CELA3A: variants seen among roughly 807,000 people sequenced by gnomAD.
The protein encoded by CELA3A is chymotrypsin-like elastase family member 3A.
CELA3A carries 35 observed loss-of-function variants against 38.6 expected under a neutral mutation model. The ratio of observed to expected loss-of-function variants is 0.91; its 90% CI spans 0.69 to 1.20. CELA3A has a LOEUF of 1.20. Among genes scored for constraint, CELA3A ranks in the 50% most tolerant of loss-of-function variants. CELA3A has a pLI of 0.00. For synonymous variants in CELA3A, 143 were observed against 136.7 expected (o/e 1.05, Z -0.32); for missense variants, 343 against 354.2 (o/e 0.97, Z 0.25).
At chr1:22,010,473 C>G (rs1261366629) in intron 7 of CELA3A, among the ~76,000 whole-genome samples, 2 of 150,662 alleles carry the variant, frequency 1.3e-5, no homozygotes, top group Non-Finnish European at 3.0e-5. Context: ...AAAAATTAGC[C>G]GGGCATGGTG....
chr1:22,008,020 G>A (rs1280130087), intron 6 of CELA3A, among the ~76,000 whole-genome samples: 1 of 150,860 alleles, frequency 6.6e-6, no homozygotes, highest in African/African-American at 2.5e-5. Flanking sequence ...CAGGCATGGT[G>A]GCACTCGCCT....
Position 22,006,920 on chromosome 1 carries a change from G to A in CELA3A, c.405G>A (p.Leu135=), listed in dbSNP as rs779444587. The A allele has an allele frequency of 5.0e-6, 8 of 1,612,378 alleles. No individual in the cohort carries two copies. In the Admixed American group the frequency reaches 1.3e-4, roughly 27 times the overall value. Residue 135 remains leucine, a synonymous_variant, in exon 5 of 8, where the codon CTG becomes CTA. Coordinates refer to ENST00000290122, the MANE Select transcript of CELA3A (RefSeq NM_005747.5). The part of the protein sequence containing the change: ...ALIKLSRSAQ[L]GDAVQLASLP... ...TCAAGCTCTCACGCAGCGCCCAGCT[G>A]GGAGATGCCGTCCAGCTCGCCTCAC...
chr1:22,011,921 C>T (rs1272990143), intron 7 of CELA3A, among the ~76,000 whole-genome samples: 3 of 125,410 alleles, frequency 2.4e-5, no homozygotes, highest in East Asian at 2.6e-4. Context: ...GGCATGGTGG[C>T]GTACGCCTGT....
Position 22,003,060 on chromosome 1 carries a change from A to G in CELA3A, c.101A>G (p.Asp34Gly). 5 of 1,574,724 alleles carry G rather than the reference A, an allele frequency of 3.2e-6. No homozygotes were observed. The highest frequency in any genetic ancestry group is 4.3e-6 in the Non-Finnish European group (5 of 1,167,652). ...HSSSRVVHGE[D>G]AVPYSWPWQV... ...TCCAGCCGCGTTGTCCATGGTGAGG[A>G]TGCGGTCCCCTACAGCTGGCCCTGG... is the stretch of plus-strand genomic sequence containing the variant. Residue 34 changes from aspartate (D) to glycine (G), a missense_variant, in exon 2 of 8, where the codon GAT becomes GGT. Asp to Gly is a moderately conservative substitution (Grantham distance 94). Transcript: ENST00000290122.
At chr1:22,003,853 C>T (rs752968917) in intron 2 of CELA3A, among the ~76,000 whole-genome samples, 3 of 150,176 alleles carry the variant, frequency 2.0e-5, no homozygotes, top group Non-Finnish European at 3.0e-5. Context: ...TACAGGCACG[C>T]GCCACCAAGC....
chr1:22,010,771 T>A (rs1644979136), intron 7 of CELA3A: 1 of 149,640 alleles, frequency 6.7e-6, no homozygotes, highest in Non-Finnish European at 1.5e-5. Context: ...GCACCAAGTT[T>A]GGCATCAATG....
intron 7 of CELA3A, chr1:22,010,509 T>C (rs189452769): frequency 0.029 from 6,300 of 220,980 alleles, 350 homozygotes; most frequent in African/African-American, 0.12. Context: ...CCCAGCTGCT[T>C]GGGAGGCTCA....
At position 22,003,043 on chromosome 1, in the gene CELA3A, C is replaced by G; in HGVS notation, c.84C>G (p.Arg28=). The part of the protein sequence containing the change: ...YGPPSSHSSS[R]VVHGEDAVPY... ...CACCTTCCTCTCACTCTTCCAGCCG[C>G]GTTGTCCATGGTGAGGATGCGGTCC... is the stretch of plus-strand genomic sequence containing the variant. Residue 28 remains arginine (R), a synonymous_variant, in exon 2 of 8, where the codon CGC becomes CGG. Coordinates refer to ENST00000290122, the MANE Select transcript of CELA3A (RefSeq NM_005747.5). 6.4e-7 allele frequency: 1 copy of G among 1,571,970 alleles called. No homozygotes were observed. Among genetic ancestry groups the G allele is most frequent in the Non-Finnish European group, 8.6e-7 (1 of 1,167,396 alleles).
chr1:22,005,106 A>G (rs1288096183), intron 2 of CELA3A, among the ~76,000 whole-genome samples: 1 of 150,868 alleles, frequency 6.6e-6, no homozygotes, highest in African/African-American at 2.5e-5. Flanking sequence ...ATCTCAAAAA[A>G]AAAAAAAACT....
intron 4 of CELA3A, chr1:22,006,195 C>T (rs1466909145): frequency 4.5e-6 from 1 of 221,286 alleles, no homozygotes; most frequent in African/African-American, 2.2e-5. Flanking sequence ...AGGAGGAGCA[C>T]TGGGCTGAGA....
intron 6 of CELA3A, among the ~76,000 whole-genome samples, 175 bp downstream of exon 6, chr1:22,007,690 C>A (rs1371269568): frequency 6.6e-6 from 1 of 151,048 alleles, no homozygotes; most frequent in Non-Finnish European, 1.5e-5. Context: ...GCCTGGGAGT[C>A]AGGACCCCCG....
At chr1:22,002,504 T>A (rs1426626637) in intron 1 of CELA3A, 1 of 454,720 alleles carries the variant, frequency 2.2e-6, no homozygotes, top group East Asian at 7.0e-5. Context: ...GGCTACTTTA[T>A]TTTATTGTAC....
intron 2 of CELA3A, among the ~76,000 whole-genome samples, chr1:22,004,046 G>C (rs4556328): frequency 0.14 from 21,241 of 146,780 alleles, 3,930 homozygotes; most frequent in African/African-American, 0.41. Context: ...CATTTCCTCA[G>C]TGCTTTTTTC....
chr1:22,001,813 C>T, intron 1 of CELA3A, 96 bp downstream of exon 1: 1 of 1,533,468 alleles, frequency 6.5e-7, no homozygotes, highest in East Asian at 2.3e-5. Flanking sequence ...CATGCTATGC[C>T]TGGTTCCACA....
chr1:22,005,128 G>A (rs1409418042), intron 2 of CELA3A, among the ~76,000 whole-genome samples: 2 of 151,080 alleles, frequency 1.3e-5, no homozygotes, highest in South Asian at 2.1e-4. Context: ...ACAGGGCGAG[G>A]GGTGCGTGAT....
At chr1:22,012,351 G>A in intron 7 of CELA3A, 99 bp from the exon 8 acceptor site, 1 of 1,365,852 alleles carries the variant, frequency 7.3e-7, no homozygotes, top group Non-Finnish European at 9.9e-7. Flanking sequence ...CCCTCTCCCA[G>A]GGTCACACAG....
At position 22,001,861 on chromosome 1, in the gene CELA3A, A is replaced by C. The variant is rs550908204; in HGVS notation, c.43+144A>C. On this transcript the variant is annotated intron_variant, in intron 1 of 7. Coordinates refer to ENST00000290122, the MANE Select transcript of CELA3A (RefSeq NM_005747.5). ...AGCTTGTACCCGGGGGCATGACTGT[A>C]GGGGCTTTCAGCTTATGATGGAGCA... 10 of 1,179,702 alleles carry C rather than the reference A, an allele frequency of 8.5e-6. No individual in the cohort carries two copies. In the African/African-American group the frequency reaches 1.6e-4, roughly 18 times the overall value. 73.1% of individuals were successfully genotyped at this position (1,179,702 alleles called of 1,614,324 possible).
intron 7 of CELA3A, among the ~76,000 whole-genome samples, chr1:22,011,632 T>G (rs1201271033): frequency 1.6e-5 from 2 of 125,228 alleles, no homozygotes; most frequent in Non-Finnish European, 3.3e-5. Flanking sequence ...TGGTAGTGCG[T>G]CGCTGTAATC....
intron 2 of CELA3A, among the ~76,000 whole-genome samples, chr1:22,004,687 G>T (rs1644938093): frequency 6.6e-6 from 1 of 151,764 alleles, no homozygotes; most frequent in Admixed American, 6.6e-5. Context: ...TGCTAACCCT[G>T]GTCTAGATGG....
Sources: allele counts gnomAD v4.1 joint callset (sites outside exome capture counted in the v4.1 genomes callset), GRCh38; gene constraint gnomAD v4.1.1; transcripts MANE v1.5; gene names NCBI Gene and HGNC (gene_info 2026-07-23, HGNC 2026-07-21).